Variants in CDC42BPB observed in about 807,000 individuals in gnomAD.
The protein encoded by CDC42BPB is serine/threonine-protein kinase MRCK beta.
In CDC42BPB, 37 loss-of-function variants were observed where a neutral mutation model predicts 214.9. The observed-to-expected ratio is 0.17, with a 90% CI of 0.13 to 0.23. CDC42BPB has a LOEUF of 0.23. Among genes scored for constraint, CDC42BPB ranks in the 10% least tolerant of loss-of-function variants. The probability of loss-of-function intolerance (pLI) is 1.00; values close to 1 mark genes in which losing one functional copy is unlikely to be tolerated. For synonymous variants in CDC42BPB, 931 were observed against 884.0 expected, an observed-to-expected ratio of 1.05 and a Z score of -0.94; for missense variants, 1,694 against 2,227.0, an observed-to-expected ratio of 0.76 and a Z score of 4.82.
intron 3 of CDC42BPB, 62 bp downstream of exon 3, chr14:103,008,410 T>G: frequency 9.1e-7 from 1 of 1,097,418 alleles, no homozygotes; most frequent in Non-Finnish European, 1.4e-6. Flanking sequence ...CCAGCTGGCT[T>G]CACAGTCACT....
chr14:102,949,307 A>T (rs35679289), intron 26 of CDC42BPB, among the ~76,000 whole-genome samples: 10 of 152,174 alleles, frequency 6.6e-5, no homozygotes, highest in African/African-American at 2.4e-4. Context: ...TGGCACTGAG[A>T]CAGGGTCACA....
At position 102,933,848 on chromosome 14, in the gene CDC42BPB, G is replaced by A. The variant is rs755677490; in HGVS notation, c.5005-5C>T. On this transcript the variant is annotated splice_region_variant and splice_polypyrimidine_tract_variant and intron_variant, in intron 36 of 36. Coordinates refer to ENST00000361246, the MANE Select transcript of CDC42BPB (RefSeq NM_006035.4). ...TTTGGTGGAGTCCGAATCAGGCTGT[G>A]AACAGGAAGAGGGCAGGGTGAGCAC... The A allele has an allele frequency of 1.3e-6, 2 of 1,519,560 alleles. No homozygotes were observed. The highest frequency in any genetic ancestry group is 5.3e-5 in the East Asian group (2 of 37,720). 94.1% of individuals were successfully genotyped at this position (1,519,560 alleles called of 1,614,324 possible).
At chr14:102,969,263 CAG>C (rs1260011507) in intron 14 of CDC42BPB, among the ~76,000 whole-genome samples, 5 of 152,226 alleles carry the variant, frequency 3.3e-5, no homozygotes, top group Non-Finnish European at 7.3e-5. Context: ...TTGCAGCATG[CAG>C]AGAGGCCAGT....
intron 1 of CDC42BPB, among the ~76,000 whole-genome samples, chr14:103,053,626 A>G (rs1190222): frequency 0.16 from 23,375 of 149,830 alleles, 2,213 homozygotes; most frequent in East Asian, 0.35. Context: ...GCCAGGCGTG[A>G]TGGCGGGCGC....
Position 102,944,772 on chromosome 14 carries a change from G to T in CDC42BPB, c.3812-285C>A. ...TCTGCTGCTGTGCACACCCCTCAGT[G>T]CACCAGGGCTCCAGCTGGGCAGCGC... is the stretch of plus-strand genomic sequence containing the variant. On this transcript the variant is annotated intron_variant, in intron 29 of 36. Coordinates refer to ENST00000361246, the MANE Select transcript of CDC42BPB (RefSeq NM_006035.4). This position sits in a 1 kb window ranked among gnomAD's most constrained non-coding sequence, Gnocchi z 6.6. 1.6e-6 allele frequency: 1 copy of T among 623,980 alleles called. No homozygotes were observed. Among genetic ancestry groups the T allele is most frequent in the South Asian group, 7.0e-5 (1 of 14,362 alleles). 38.7% of individuals were successfully genotyped at this position (623,980 alleles called of 1,614,324 possible).
chr14:102,940,239 G>A lies in CDC42BPB; in HGVS notation c.4494C>T (p.Ile1498=), dbSNP rs370668209. 2.6e-5 allele frequency: 42 copies of A among 1,601,688 alleles called. No individual in the cohort carries two copies. The highest frequency in any genetic ancestry group is 3.5e-5 in the Admixed American group (2 of 57,552). Residue 1498 remains isoleucine, a synonymous_variant, in exon 31 of 37, where the codon ATC becomes ATT. Coordinates refer to ENST00000361246, the MANE Select transcript of CDC42BPB (RefSeq NM_006035.4). ...GAGGCCGCCTTACCCTCCGCAGGCC[G>A]ATGGTCTGCACCCACTCCATGGTGC... is the stretch of plus-strand genomic sequence containing the variant. ...DVRTMEWVQT[I]GLRRIRPLNS...
At chr14:103,018,719 C>T (rs183800085) in intron 1 of CDC42BPB, among the ~76,000 whole-genome samples, 5 of 152,278 alleles carry the variant, frequency 3.3e-5, no homozygotes, top group Admixed American at 2.6e-4. Flanking sequence ...AATTACATCA[C>T]GTAGTTAGTG....
intron 1 of CDC42BPB, among the ~76,000 whole-genome samples, chr14:103,033,452 G>T (rs1887502781): frequency 6.6e-6 from 1 of 152,010 alleles, no homozygotes; most frequent in African/African-American, 2.4e-5. Context: ...TCTATCTCCT[G>T]ACCTCATGAT....
intron 1 of CDC42BPB, among the ~76,000 whole-genome samples, chr14:103,043,678 C>T (rs1206790226): frequency 7.5e-6 from 1 of 133,618 alleles, no homozygotes; most frequent in Admixed American, 7.5e-5. Context: ...AAAGCTGTTA[C>T]AAAAAAAAAA....
rs1306594880 is a variant in CDC42BPB, at chr14:102,947,907, G to A, written c.3450-105C>T. ...CCCTGCCATGTCCTTCCACCACCGT[G>A]TTCTGCAGTGGAGGGCGGGTCCCTC... On this transcript the variant is annotated intron_variant, in intron 26 of 36. Coordinates refer to ENST00000361246, the MANE Select transcript of CDC42BPB (RefSeq NM_006035.4). The A allele has an allele frequency of 3.8e-6, 6 of 1,585,380 alleles. No homozygotes were observed. In the Admixed American group the frequency reaches 6.9e-5, roughly 18 times the overall value.
chr14:103,048,500 A>G (rs939948467), intron 1 of CDC42BPB, among the ~76,000 whole-genome samples: 1 of 143,616 alleles, frequency 7.0e-6, no homozygotes, highest in Non-Finnish European at 1.5e-5. Flanking sequence ...CATCCTGGCT[A>G]ACACGGTGAA....
intron 17 of CDC42BPB, chr14:102,966,591 C>T (rs371427338): frequency 1.2e-4 from 102 of 835,030 alleles, no homozygotes; most frequent in Non-Finnish European, 1.4e-4. Context: ...TAAAAAGACA[C>T]CAAACTTCCA....
chr14:103,042,861 C>G (rs1008125942), intron 1 of CDC42BPB, among the ~76,000 whole-genome samples: 2 of 152,168 alleles, frequency 1.3e-5, no homozygotes, highest in African/African-American at 4.8e-5. Flanking sequence ...AGAAAACAAC[C>G]TGGCAGTTCC....
intron 1 of CDC42BPB, among the ~76,000 whole-genome samples, chr14:103,030,917 G>A (rs1017489484): frequency 6.6e-6 from 1 of 151,926 alleles, no homozygotes; most frequent in African/African-American, 2.4e-5. Flanking sequence ...AGCCCAGGAG[G>A]TGGGAATTGC....
At chr14:103,027,297 C>A (rs528677887) in intron 1 of CDC42BPB, among the ~76,000 whole-genome samples, 1 of 152,274 alleles carries the variant, frequency 6.6e-6, no homozygotes, top group South Asian at 2.1e-4. Flanking sequence ...TACTACATGA[C>A]CCGTCATTCC....
At chr14:102,996,213 A>T (rs552735385) in intron 5 of CDC42BPB, among the ~76,000 whole-genome samples, 2 of 151,972 alleles carry the variant, frequency 1.3e-5, no homozygotes, top group Non-Finnish European at 2.9e-5. Context: ...GGTGGTGGGC[A>T]CCTGTAGTCC....
At chr14:103,044,267 G>A (rs1034003818) in intron 1 of CDC42BPB, among the ~76,000 whole-genome samples, 5 of 151,610 alleles carry the variant, frequency 3.3e-5, no homozygotes, top group African/African-American at 9.7e-5. Context: ...TCACTCTGTC[G>A]CCCATGCTGG....
chr14:102,962,683 C>G (rs556564537), intron 20 of CDC42BPB, among the ~76,000 whole-genome samples: 29 of 152,174 alleles, frequency 1.9e-4, no homozygotes, highest in Non-Finnish European at 2.9e-4. Flanking sequence ...AACCCCATCT[C>G]TACTAAAAAT....
intron 1 of CDC42BPB, among the ~76,000 whole-genome samples, chr14:103,030,965 T>C (rs975182292): frequency 2.0e-5 from 3 of 152,012 alleles, no homozygotes; most frequent in African/African-American, 7.3e-5. Context: ...CCAGCCTGGG[T>C]GACACGGTGG....
Sources: gnomAD v4.1 joint callset for allele counts (sites outside exome capture counted in the v4.1 genomes callset) on GRCh38, gnomAD v4.1.1 for gene constraint, Gnocchi (gnomAD v3.1) non-coding constraint, MANE v1.5 for transcripts, NCBI Gene and HGNC (gene_info 2026-07-23, HGNC 2026-07-21) for gene names.